IL1RAPL1: variants seen among roughly 807,000 people sequenced by gnomAD.
The protein encoded by IL1RAPL1 is interleukin-1 receptor accessory protein-like 1.
Under a neutral mutation model 48.4 loss-of-function variants are expected in IL1RAPL1, and 3 were observed. That is an observed-to-expected ratio of 0.06 (90% CI 0.03 to 0.16). IL1RAPL1 has a LOEUF of 0.16. IL1RAPL1 is among the 10% of genes least tolerant of loss of function. IL1RAPL1 has a pLI of 1.00. For missense variants in IL1RAPL1, 349 were observed against 530.6 expected (o/e 0.66, Z 3.36); for synonymous variants, 185 against 187.7 (o/e 0.99, Z 0.12).
At position 28,587,753 on chromosome X, in the gene IL1RAPL1, T is replaced by C. The variant is rs935318165; in HGVS notation, c.-319T>C. 11 of 72,739 alleles carry C rather than the reference T, an allele frequency of 1.5e-4. No individual in the cohort carries two copies. The highest frequency in any genetic ancestry group is 7.2e-4 in the African/African-American group (11 of 15,327). The allele number at this position is 72,739 out of a possible 1,213,427, so 6.0% of individuals were successfully genotyped here. On this transcript the variant is annotated 5_prime_UTR_variant, in exon 1 of 11. Transcript: ENST00000378993. ...TCTATCTGCCTCTTCATTTTTCTCC[T>C]AGTCTGTTTTTTTTTTTCCTGCTCT...
intron 9 of IL1RAPL1, among the ~76,000 whole-genome samples, chrX:29,947,725 A>T (rs2034863485): frequency 9.3e-6 from 1 of 107,999 alleles, no homozygotes; most frequent in African/African-American, 3.4e-5. Context: ...CAAATCATTT[A>T]AAAACCTTAT....
intron 1 of IL1RAPL1, among the ~76,000 whole-genome samples, chrX:28,769,560 T>C (rs1936288485): frequency 8.9e-6 from 1 of 111,988 alleles, no homozygotes; most frequent in Non-Finnish European, 1.9e-5. Flanking sequence ...ATATTGAAAA[T>C]AGTTTACCTG....
chrX:29,954,961 T>C, intron 10 of IL1RAPL1, 141 bp from the exon 11 acceptor site: 1 of 567,515 alleles, frequency 1.8e-6, no homozygotes, highest in Non-Finnish European at 2.9e-6. Flanking sequence ...GAAAAAAAAA[T>C]ATTGCTGACA....
chrX:29,803,038 T>G (rs866618242), intron 6 of IL1RAPL1, among the ~76,000 whole-genome samples: 2 of 82,739 alleles, frequency 2.4e-5, no homozygotes, highest in African/African-American at 9.9e-5. Flanking sequence ...TGTATGCATA[T>G]ATACATATAT....
At chrX:29,527,326 CTTTTTTTTTTTTTTTTTT>C (rs61003668) in intron 5 of IL1RAPL1, among the ~76,000 whole-genome samples, 14 of 25,570 alleles carry the variant, frequency 5.5e-4, no homozygotes, top group East Asian at 3.6e-3. Context: ...GGGAAGGACT[CTTTTTTTTTTTTTTTTTT>C]TTTTTTTTTT....
At chrX:29,852,927 T>C (rs1931400882) in intron 6 of IL1RAPL1, among the ~76,000 whole-genome samples, 1 of 111,092 alleles carries the variant, frequency 9.0e-6, no homozygotes, top group African/African-American at 3.3e-5. Context: ...TAAGAAATCA[T>C]GTAAGAGAGT....
chrX:29,829,155 TACACACACACACAC>T (rs57560936), intron 6 of IL1RAPL1, among the ~76,000 whole-genome samples: 289 of 61,879 alleles, frequency 4.7e-3, no homozygotes, highest in African/African-American at 0.013. Context: ...GACAAAAACC[TACACACACACACAC>T]ACACACACAC....
chrX:29,689,806 T>C (rs191757560), intron 6 of IL1RAPL1, among the ~76,000 whole-genome samples: 1 of 112,284 alleles, frequency 8.9e-6, no homozygotes, highest in Admixed American at 9.4e-5. Context: ...CGAATTTAGA[T>C]ACACTTTCAA....
At chrX:29,221,620 TACACACACACACACACACACAC>T (rs35088625) in intron 2 of IL1RAPL1, among the ~76,000 whole-genome samples, 10,952 of 79,422 alleles carry the variant, frequency 0.14, 804 homozygotes, top group East Asian at 0.46. Flanking sequence ...TACACACACA[TACACACACACACACACACACAC>T]ACACACACAC....
At chrX:29,661,808 T>A (rs1344025999) in intron 5 of IL1RAPL1, among the ~76,000 whole-genome samples, 2 of 111,756 alleles carry the variant, frequency 1.8e-5, no homozygotes, top group Non-Finnish European at 3.8e-5. Context: ...TCACATCTAG[T>A]CAGTCAGTAA....
intron 1 of IL1RAPL1, among the ~76,000 whole-genome samples, chrX:28,604,090 A>G (rs1385044310): frequency 1.8e-5 from 2 of 112,633 alleles, no homozygotes; most frequent in East Asian, 2.8e-4. Context: ...ATGGCACTAT[A>G]TATTTTATAA....
At chrX:29,029,715 A>G (rs973883361) in intron 2 of IL1RAPL1, among the ~76,000 whole-genome samples, 5 of 111,872 alleles carry the variant, frequency 4.5e-5, no homozygotes, top group East Asian at 2.8e-4. Flanking sequence ...TCTTGACATT[A>G]TCTTTTGCAG....
At position 29,617,815 on chromosome X, in the gene IL1RAPL1, A is replaced by G. The variant is rs1263055366; in HGVS notation, c.704-50615A>G. Among the ~76,000 whole-genome samples, 4 of 111,958 alleles carry G rather than the reference A, an allele frequency of 3.6e-5. No homozygotes were observed. In the East Asian group the frequency reaches 1.1e-3, roughly 31 times the overall value. ...AGTCCACTTCACTCCCTAGATCCCT[A>G]TTAATACATTTCAGTTGAAAATCTG... On this transcript the variant is annotated intron_variant, in intron 5 of 10. Transcript: ENST00000378993.
chrX:29,345,001 C>T (rs146326494), intron 3 of IL1RAPL1, among the ~76,000 whole-genome samples: 1,905 of 112,649 alleles, frequency 0.017, 31 homozygotes, highest in African/African-American at 0.057. Flanking sequence ...TGGATTGTTT[C>T]GTAGATCATC....
chrX:29,490,571 G>A (rs1935145449), intron 5 of IL1RAPL1, among the ~76,000 whole-genome samples: 1 of 111,153 alleles, frequency 9.0e-6, no homozygotes, highest in South Asian at 3.7e-4. Context: ...AAAAATGGAA[G>A]TCGCTCACCA....
At chrX:28,817,196 G>A (rs985403552) in intron 2 of IL1RAPL1, among the ~76,000 whole-genome samples, 2 of 110,433 alleles carry the variant, frequency 1.8e-5, no homozygotes, top group African/African-American at 6.6e-5. Flanking sequence ...TATACTCAGT[G>A]ATATTTTCTA....
At chrX:29,926,373 G>T (rs1407442615) in intron 8 of IL1RAPL1, among the ~76,000 whole-genome samples, 1 of 111,800 alleles carries the variant, frequency 8.9e-6, no homozygotes, top group African/African-American at 3.3e-5. Context: ...AAACTCTTTA[G>T]TCTTTAATCA....
intron 5 of IL1RAPL1, among the ~76,000 whole-genome samples, chrX:29,408,744 CTT>C (rs1195460013): frequency 1.8e-5 from 2 of 112,017 alleles, no homozygotes; most frequent in Non-Finnish European, 3.8e-5. Context: ...TCTTCCTCCT[CTT>C]TTAATGGATG....
chrX:29,196,184 A>G (rs1930440977), intron 2 of IL1RAPL1, among the ~76,000 whole-genome samples: 1 of 112,133 alleles, frequency 8.9e-6, no homozygotes, highest in South Asian at 3.7e-4. Context: ...TACTTTGAAG[A>G]ATATTAAGGG....
Sources: allele counts gnomAD v4.1 joint callset (sites outside exome capture counted in the v4.1 genomes callset), GRCh38; gene constraint gnomAD v4.1.1; transcripts MANE v1.5; gene names NCBI Gene and HGNC (gene_info 2026-07-23, HGNC 2026-07-21).